Variants in SEMA3C observed in about 807,000 individuals in gnomAD.
SEMA3C encodes semaphorin-3C.
A neutral mutation model predicts 89.4 loss-of-function variants in SEMA3C; 47 were observed. The observed-to-expected ratio is 0.53, with a 90% CI of 0.42 to 0.67. SEMA3C has a LOEUF of 0.67. Ranked by LOEUF, SEMA3C falls within the 30% of genes least tolerant of loss-of-function variation. SEMA3C has a pLI of 0.00. For synonymous variants in SEMA3C, 310 were observed against 320.2 expected (o/e 0.97, Z 0.34); for missense variants, 839 against 929.1 (o/e 0.90, Z 1.26).
At position 80,817,234 on chromosome 7, in the gene SEMA3C, T is replaced by C. The variant is rs896997875; in HGVS notation, c.447+1065A>G. On this transcript the variant is annotated intron_variant, in intron 5 of 17. Coordinates refer to ENST00000265361, the MANE Select transcript of SEMA3C (RefSeq NM_006379.5). ...CTTTTTATTCATTAAAAGATACTTA[T>C]GTATAAATTACATGTCTGAAAAACA... 3.9e-5 allele frequency among the ~76,000 whole-genome samples: 6 copies of C among 152,316 alleles called. No homozygotes were observed. In the East Asian group the frequency reaches 5.8e-4, roughly 15 times the overall value.
intron 7 of SEMA3C, among the ~76,000 whole-genome samples, chr7:80,804,596 C>T (rs1040472835): frequency 6.6e-6 from 1 of 152,054 alleles, no homozygotes; most frequent in Non-Finnish European, 1.5e-5. Context: ...CATATAAACT[C>T]AAATTTGTTG....
chr7:80,864,450 T>TA (rs1384025455), intron 2 of SEMA3C, among the ~76,000 whole-genome samples: 1 of 152,148 alleles, frequency 6.6e-6, no homozygotes, highest in African/African-American at 2.4e-5. Context: ...TCTCTTTCCT[T>TA]AGAGTTTTTA....
intron 2 of SEMA3C, among the ~76,000 whole-genome samples, chr7:80,859,035 C>T (rs548250978): frequency 6.6e-6 from 1 of 151,946 alleles, no homozygotes; most frequent in South Asian, 2.1e-4. Context: ...CTTTTCCTAT[C>T]GTTTGAAACC....
At chr7:80,761,228 G>A (rs1050574759) in intron 14 of SEMA3C, among the ~76,000 whole-genome samples, 3 of 152,090 alleles carry the variant, frequency 2.0e-5, no homozygotes, top group Non-Finnish European at 2.9e-5. Flanking sequence ...ACTCAGGATT[G>A]ATTACTCATT....
chr7:80,816,071 C>T (rs1278583214), intron 5 of SEMA3C: 1 of 151,188 alleles, frequency 6.6e-6, no homozygotes, highest in African/African-American at 2.4e-5. Flanking sequence ...GTGGTTAGGT[C>T]TTCATGTAGC....
chr7:80,822,984 T>C (rs905712056), intron 4 of SEMA3C, among the ~76,000 whole-genome samples: 1 of 152,224 alleles, frequency 6.6e-6, no homozygotes, highest in East Asian at 1.9e-4. Flanking sequence ...ATAAATATGA[T>C]GCATGCTTTC....
chr7:80,870,107 T>C (rs549838570), intron 2 of SEMA3C, among the ~76,000 whole-genome samples: 1 of 152,296 alleles, frequency 6.6e-6, no homozygotes, highest in African/African-American at 2.4e-5. Flanking sequence ...TCTCTCATCT[T>C]ATGTTTCCAC....
chr7:80,912,399 C>T (rs1792174207), intron 2 of SEMA3C, among the ~76,000 whole-genome samples: 1 of 152,150 alleles, frequency 6.6e-6, no homozygotes, highest in Non-Finnish European at 1.5e-5. Context: ...AGCAATTCTT[C>T]TCATCTTCCA....
intron 2 of SEMA3C, among the ~76,000 whole-genome samples, chr7:80,836,656 C>G (rs1011301755): frequency 2.0e-5 from 3 of 151,896 alleles, no homozygotes; most frequent in African/African-American, 7.3e-5. Context: ...CCAAGCTGAG[C>G]AACAGAGGGA....
intron 12 of SEMA3C, among the ~76,000 whole-genome samples, chr7:80,766,466 T>C (rs1023914462): frequency 6.6e-6 from 1 of 152,246 alleles, no homozygotes; most frequent in Non-Finnish European, 1.5e-5. Context: ...TTTGTAACTT[T>C]ACTTCATCTT....
At chr7:80,839,780 C>G (rs1256523660) in intron 2 of SEMA3C, among the ~76,000 whole-genome samples, 1 of 151,942 alleles carries the variant, frequency 6.6e-6, no homozygotes, top group Non-Finnish European at 1.5e-5. Context: ...TATATCATGT[C>G]AGCAAAACCC....
At chr7:80,875,918 T>A (rs532588545) in intron 2 of SEMA3C, among the ~76,000 whole-genome samples, 5 of 152,046 alleles carry the variant, frequency 3.3e-5, no homozygotes, top group Non-Finnish European at 7.4e-5. Context: ...GAACACATCT[T>A]CTATCGGTGA....
At chr7:80,888,725 T>C (rs188917554) in intron 2 of SEMA3C, among the ~76,000 whole-genome samples, 2 of 152,226 alleles carry the variant, frequency 1.3e-5, no homozygotes, top group African/African-American at 4.8e-5. Flanking sequence ...ACAGTTTTCC[T>C]TATAGACATT....
Position 80,834,417 on chromosome 7 carries a change from T to C in SEMA3C, c.104-5672A>G, listed in dbSNP as rs191920559. Among the ~76,000 whole-genome samples the C allele has an allele frequency of 1.3e-3, 200 of 152,244 alleles. 1 individual carries two copies. Among genetic ancestry groups the C allele is most frequent in the African/African-American group, 4.5e-3 (185 of 41,542 alleles). ...TAACCAAAGCTGGAAGAACAATAGG[T>C]TTCCCCAAAATCTAAGCCCTGCCAA... On this transcript the variant is annotated intron_variant, in intron 2 of 17. Coordinates refer to ENST00000265361, the MANE Select transcript of SEMA3C (RefSeq NM_006379.5).
In SEMA3C at chr7:80,764,293, T is replaced by C. The variant is rs867151614; in HGVS notation, c.1443+862A>G. Reference sequence around the variant, plus strand: ...TTTGTTGTGTCTGGGCCATTGTTTCTTAATTGGTTTAGTTGGAAATAGTGT... The same window carrying C: ...TTTGTTGTGTCTGGGCCATTGTTTCCTAATTGGTTTAGTTGGAAATAGTGT... On this transcript the variant is annotated intron_variant, in intron 13 of 17. Transcript: ENST00000265361. Among the ~76,000 whole-genome samples the C allele has an allele frequency of 5.9e-5, 9 of 152,326 alleles. No individual in the cohort carries two copies. The Middle Eastern group carries it at 0.014, about 230-fold the overall frequency.
intron 2 of SEMA3C, among the ~76,000 whole-genome samples, chr7:80,911,959 G>C (rs1464198975): frequency 6.6e-6 from 1 of 151,970 alleles, no homozygotes; most frequent in Non-Finnish European, 1.5e-5. Flanking sequence ...GAACCGCTGT[G>C]TTCGTATGAC....
intron 11 of SEMA3C, 75 bp from the exon 12 acceptor site, chr7:80,789,603 T>A: frequency 9.5e-7 from 1 of 1,057,286 alleles, no homozygotes; most frequent in South Asian, 1.7e-5. Flanking sequence ...AACTCTCTAC[T>A]TTTGAAATCA....
rs555072012 is a variant in SEMA3C, at chr7:80,873,068, C to T, written c.103+43611G>A. ...ACTACTGGAAGAAGGGAACAAAGGG[C>T]AGGTGAAGGGTCAAAACTAAGTAAA... On this transcript the variant is annotated intron_variant, in intron 2 of 17. Transcript: ENST00000265361. Among the ~76,000 whole-genome samples, 219 of 152,114 alleles carry T rather than the reference C, an allele frequency of 1.4e-3. 1 individual carries two copies. The highest frequency in any genetic ancestry group is 4.4e-3 in the African/African-American group (181 of 41,490).
intron 12 of SEMA3C, among the ~76,000 whole-genome samples, chr7:80,785,747 T>C (rs1356243662): frequency 6.6e-6 from 1 of 152,138 alleles, no homozygotes; most frequent in Non-Finnish European, 1.5e-5. Context: ...TAGCTGGGAT[T>C]ACAGGCATGC....
Sources: allele counts gnomAD v4.1 joint callset (sites outside exome capture counted in the v4.1 genomes callset), GRCh38; gene constraint gnomAD v4.1.1; transcripts MANE v1.5; gene names NCBI Gene and HGNC (gene_info 2026-07-23, HGNC 2026-07-21).